Variants in KCNIP4 observed in about 807,000 individuals in gnomAD.
KCNIP4 encodes the protein Kv channel-interacting protein 4.
KCNIP4 carries 12 observed loss-of-function variants against 34.0 expected under a neutral mutation model. The ratio of observed to expected loss-of-function variants is 0.35; its 90% CI spans 0.23 to 0.57. The LOEUF (loss-of-function observed/expected upper bound fraction) is 0.57. Among genes scored for constraint, KCNIP4 ranks in the 20% least tolerant of loss-of-function variants. The pLI is 0.83. For missense variants in KCNIP4, 238 were observed against 311.7 expected, an observed-to-expected ratio of 0.76 and a Z score of 1.78; for synonymous variants, 124 against 102.2, an observed-to-expected ratio of 1.21 and a Z score of -1.29.
At chr4:21,912,737 A>C (rs572768758) in intron 1 of KCNIP4, among the ~76,000 whole-genome samples, 1 of 152,044 alleles carries the variant, frequency 6.6e-6, no homozygotes, top group South Asian at 2.1e-4. Context: ...AGCTTAACAG[A>C]GAAAGCAAAG....
intron 1 of KCNIP4, among the ~76,000 whole-genome samples, chr4:20,911,695 A>G (rs376852127): frequency 6.6e-6 from 1 of 152,182 alleles, no homozygotes; most frequent in South Asian, 2.1e-4. Context: ...TCGCTGTTAT[A>G]AATAAGTCAG....
At chr4:20,970,761 G>T (rs759720873) in intron 1 of KCNIP4, among the ~76,000 whole-genome samples, 1 of 152,186 alleles carries the variant, frequency 6.6e-6, no homozygotes, top group Admixed American at 6.5e-5. Context: ...ATTAATTCAA[G>T]CCTGTTGTGC....
chr4:21,283,996 G>A (rs567736507), intron 1 of KCNIP4, among the ~76,000 whole-genome samples: 41 of 152,044 alleles, frequency 2.7e-4, no homozygotes, highest in Non-Finnish European at 4.9e-4. Flanking sequence ...GGCAGATCAC[G>A]AGGTCAGGAG....
At chr4:21,773,285 T>C (rs949502142) in intron 1 of KCNIP4, among the ~76,000 whole-genome samples, 3 of 152,210 alleles carry the variant, frequency 2.0e-5, no homozygotes, top group Non-Finnish European at 4.4e-5. Context: ...GAGAGACTGT[T>C]TGCTATGATT....
chr4:20,847,316 C>T lies in KCNIP4; in HGVS notation c.288+3227G>A, dbSNP rs539393948. ...TGAGTGACACCGAAGCTTATGATAA[C>T]TGCACAAAACCAGTGATTCTCAAAG... is the stretch of plus-strand genomic sequence containing the variant. On this transcript the variant is annotated intron_variant, in intron 3 of 8. Transcript: ENST00000382152. 2.6e-5 allele frequency among the ~76,000 whole-genome samples: 4 copies of T among 152,276 alleles called. No individual in the cohort carries two copies. In the East Asian group the frequency reaches 7.7e-4, roughly 29 times the overall value.
chr4:21,075,333 G>A (rs1745383425), intron 1 of KCNIP4, among the ~76,000 whole-genome samples: 1 of 152,122 alleles, frequency 6.6e-6, no homozygotes, highest in Non-Finnish European at 1.5e-5. Flanking sequence ...TGTATTGGGT[G>A]CATATATATT....
intron 1 of KCNIP4, among the ~76,000 whole-genome samples, chr4:21,242,488 T>G (rs1759905420): frequency 6.6e-6 from 1 of 152,170 alleles, no homozygotes; most frequent in South Asian, 2.1e-4. Flanking sequence ...ATGTCATTTC[T>G]GGGTATGCCT....
intron 3 of KCNIP4, among the ~76,000 whole-genome samples, chr4:20,814,959 C>T (rs954657305): frequency 1.3e-5 from 2 of 152,104 alleles, no homozygotes; most frequent in Non-Finnish European, 2.9e-5. Context: ...TGGGTTCCAT[C>T]CCTTTATTCA....
chr4:21,937,755 C>A (rs1367224108), intron 1 of KCNIP4, among the ~76,000 whole-genome samples: 1 of 152,076 alleles, frequency 6.6e-6, no homozygotes. Flanking sequence ...CTCTTGTCTT[C>A]TATTTGTCTG....
rs1723791478 is a variant in KCNIP4 at position 21,404,300 on chromosome 4, C to A, written c.62-521591G>T. Among the ~76,000 whole-genome samples, 4 of 152,266 alleles carry A rather than the reference C, an allele frequency of 2.6e-5. No homozygotes were observed. The South Asian group carries it at 8.3e-4, about 32-fold the overall frequency. ...CTTGTTTATTATTTTTTTCCTGCTTCTTTTAGAATACAAGCTCCTTGTTAG... is the reference window on the plus strand; with the variant it reads ...CTTGTTTATTATTTTTTTCCTGCTTATTTTAGAATACAAGCTCCTTGTTAG... On this transcript the variant is annotated intron_variant, in intron 1 of 8. Coordinates refer to ENST00000382152, the MANE Select transcript of KCNIP4 (RefSeq NM_025221.6).
intron 1 of KCNIP4, among the ~76,000 whole-genome samples, chr4:20,909,998 G>A (rs1223473461): frequency 1.3e-5 from 2 of 152,254 alleles, no homozygotes; most frequent in African/African-American, 4.8e-5. Flanking sequence ...ATTAAGTGAG[G>A]AAAATAAATT....
At chr4:21,535,049 T>C (rs769357687) in intron 1 of KCNIP4, among the ~76,000 whole-genome samples, 29 of 152,060 alleles carry the variant, frequency 1.9e-4, no homozygotes, top group Admixed American at 3.9e-4. Flanking sequence ...TCCATTCCAC[T>C]CCACTCTACT....
chr4:20,737,571 G>A (rs74878440), intron 5 of KCNIP4, among the ~76,000 whole-genome samples: 2 of 152,160 alleles, frequency 1.3e-5, no homozygotes, highest in Non-Finnish European at 2.9e-5. Context: ...CTGCTTTGCA[G>A]GTGGGAAGAT....
At chr4:21,101,876 T>C (rs1469630743) in intron 1 of KCNIP4, among the ~76,000 whole-genome samples, 1 of 152,198 alleles carries the variant, frequency 6.6e-6, no homozygotes, top group East Asian at 1.9e-4. Flanking sequence ...ATGATTTAAG[T>C]GTATGCTGAT....
chr4:21,073,762 T>C (rs952697485), intron 1 of KCNIP4, among the ~76,000 whole-genome samples: 4 of 152,204 alleles, frequency 2.6e-5, no homozygotes, highest in African/African-American at 9.7e-5. Context: ...AGTATGATAT[T>C]GGCCATGGGG....
At chr4:21,050,261 G>A (rs1180860102) in intron 1 of KCNIP4, among the ~76,000 whole-genome samples, 1 of 152,140 alleles carries the variant, frequency 6.6e-6, no homozygotes, top group Non-Finnish European at 1.5e-5. Flanking sequence ...GATCATGGTG[G>A]CACTATTTTA....
At position 20,925,758 on chromosome 4, in the gene KCNIP4, G is replaced by T. The variant is rs536135812; in HGVS notation, c.62-43049C>A. On this transcript the variant is annotated intron_variant, in intron 1 of 8. Transcript: ENST00000382152. The stretch of plus-strand genomic sequence containing the variant: ...TTACATGCCTATGATTTATTACATG[G>T]TTACAATTTATTATTACGTGGCAGG... 2.0e-5 allele frequency among the ~76,000 whole-genome samples: 3 copies of T among 152,192 alleles called. No individual in the cohort carries two copies. In the South Asian group the frequency reaches 6.2e-4, roughly 32 times the overall value.
chr4:21,193,512 T>G (rs1755830348), intron 1 of KCNIP4, among the ~76,000 whole-genome samples: 1 of 152,046 alleles, frequency 6.6e-6, no homozygotes, highest in Non-Finnish European at 1.5e-5. Flanking sequence ...GGGTAATTTC[T>G]GGGTATGCAA....
In KCNIP4 at chr4:21,183,467, T is replaced by C. The variant is rs1284224748; in HGVS notation, c.62-300758A>G. 2.9e-5 allele frequency among the ~76,000 whole-genome samples: 4 copies of C among 140,024 alleles called. No homozygotes were observed. The East Asian group carries it at 8.2e-4, about 29-fold the overall frequency. The allele number at this position is 140,024 out of a possible 152,430, so 91.9% of individuals were successfully genotyped here. A position where few individuals can be genotyped will look rare whatever the true frequency, so the allele number is the denominator to read the frequency against. ...GTTTTCTGTAATGGCTGTGTTGTTT[T>C]TGTTTTTTTTTTTTTTGGTTTTTGG... On this transcript the variant is annotated intron_variant, in intron 1 of 8. Transcript: ENST00000382152.
Sources: gnomAD v4.1 joint callset for allele counts (sites outside exome capture counted in the v4.1 genomes callset) on GRCh38, gnomAD v4.1.1 for gene constraint, MANE v1.5 for transcripts, NCBI Gene and HGNC (gene_info 2026-07-23, HGNC 2026-07-21) for gene names.